The following CFAP221 variants were observed in gnomAD, a reference collection of about 807,000 sequenced individuals.
CFAP221 encodes the protein cilia and flagella associated protein 221.
In CFAP221, 97 loss-of-function variants were observed where a neutral mutation model predicts 113.1. That is an observed-to-expected ratio of 0.86 (90% CI 0.73 to 1.02). The LOEUF is 1.02. CFAP221 is among the 50% of genes least tolerant of loss of function. The pLI, the probability that CFAP221 is intolerant of heterozygous loss-of-function variation, is 0.00. For synonymous variants in CFAP221, 331 were observed against 354.4 expected, an observed-to-expected ratio of 0.93 and a Z score of 0.74; for missense variants, 1,025 against 1,013.4, an observed-to-expected ratio of 1.01 and a Z score of -0.16.
At chr2:119,603,378 TG>T (rs1369229730) in intron 8 of CFAP221, among the ~76,000 whole-genome samples, 1 of 152,112 alleles carries the variant, frequency 6.6e-6, no homozygotes, top group Non-Finnish European at 1.5e-5. Flanking sequence ...GTTCGCTACC[TG>T]GCTAAACACC....
chr2:119,569,637 T>C (rs1268011753), intron 6 of CFAP221, among the ~76,000 whole-genome samples: 1 of 152,190 alleles, frequency 6.6e-6, no homozygotes, highest in Non-Finnish European at 1.5e-5. Context: ...TAATATACCT[T>C]TTGTAGTTGT....
chr2:119,566,283 G>A (rs1255762560), intron 6 of CFAP221, among the ~76,000 whole-genome samples: 1 of 152,222 alleles, frequency 6.6e-6, no homozygotes, highest in African/African-American at 2.4e-5. Flanking sequence ...TACTAAAAGT[G>A]AGTCGGCTTT....
intron 6 of CFAP221, among the ~76,000 whole-genome samples, chr2:119,577,547 G>T (rs1412955264): frequency 6.6e-6 from 1 of 152,182 alleles, no homozygotes; most frequent in Non-Finnish European, 1.5e-5. Context: ...AGTACAGCAG[G>T]TAAGAGCTCA....
rs747010495 is a variant in CFAP221, at chr2:119,611,685, A to G, written c.1254A>G (p.Glu418=). ...GAGGAGATCCTATTTTGGATGAGGA[A>G]TTTCAGCGACTTAAAACAGAAGTTA... is the stretch of plus-strand genomic sequence containing the variant. The part of the protein sequence containing the change: ...LDRGDPILDE[E]FQRLKTEVSH... Residue 418 remains glutamate (E), a synonymous_variant, in exon 13 of 24, where the codon GAA becomes GAG. Transcript: ENST00000413369. 4.3e-6 allele frequency: 7 copies of G among 1,613,904 alleles called. No individual in the cohort carries two copies. In the East Asian group the frequency reaches 1.6e-4, roughly 36 times the overall value.
intron 7 of CFAP221, among the ~76,000 whole-genome samples, chr2:119,587,677 C>T (rs1683315953): frequency 6.6e-6 from 1 of 152,152 alleles, no homozygotes; most frequent in Non-Finnish European, 1.5e-5. Flanking sequence ...GATTTTACAC[C>T]TAAAGTAATC....
intron 8 of CFAP221, 120 bp from the exon 9 acceptor site, chr2:119,604,552 A>C: frequency 1.1e-6 from 1 of 911,418 alleles, no homozygotes; most frequent in East Asian, 3.1e-5. Context: ...GCACACATTT[A>C]TTTTCAGTTT....
At chr2:119,652,896 G>A (rs1288833618) in intron 23 of CFAP221, among the ~76,000 whole-genome samples, 1 of 148,492 alleles carries the variant, frequency 6.7e-6, no homozygotes, top group Non-Finnish European at 1.5e-5. Flanking sequence ...CCATCCAAAG[G>A]TAGTAACATA....
intron 3 of CFAP221, among the ~76,000 whole-genome samples, chr2:119,557,820 G>A (rs947915726): frequency 1.5e-4 from 23 of 152,072 alleles, no homozygotes; most frequent in Admixed American, 7.2e-4. Flanking sequence ...CCAACATGGT[G>A]AAACCCCATC....
At chr2:119,560,560 G>T (rs1021158676) in intron 5 of CFAP221, among the ~76,000 whole-genome samples, 2 of 152,042 alleles carry the variant, frequency 1.3e-5, no homozygotes, top group Admixed American at 6.6e-5. Context: ...CAGAGCTGCC[G>T]TCATTCCTTC....
chr2:119,595,754 A>G (rs886664629), intron 7 of CFAP221, among the ~76,000 whole-genome samples: 1 of 152,134 alleles, frequency 6.6e-6, no homozygotes, highest in Admixed American at 6.5e-5. Context: ...AATGGTGGTG[A>G]GAAAAATAAG....
chr2:119,657,807 G>A (rs959397192), downstream of CFAP221, among the ~76,000 whole-genome samples: 1 of 152,132 alleles, frequency 6.6e-6, no homozygotes, highest in Admixed American at 6.5e-5. Context: ...CCTTCAGAGT[G>A]TGTGTGTGTC....
intron 13 of CFAP221, 29 bp from the exon 14 acceptor site, chr2:119,615,582 T>A (rs1574140411): frequency 1.4e-6 from 2 of 1,481,070 alleles, no homozygotes; most frequent in African/African-American, 1.4e-5. Context: ...AATTTAAATG[T>A]AAGATGTGCC....
Position 119,562,027 on chromosome 2 carries a change from T to C in CFAP221, c.440T>C (p.Leu147Ser), listed in dbSNP as rs1681277949. 1 of 1,533,998 alleles carries C rather than the reference T, an allele frequency of 6.5e-7. No individual in the cohort carries two copies. Among genetic ancestry groups the C allele is most frequent in the Non-Finnish European group, 8.7e-7 (1 of 1,146,012 alleles). ...IRVHCKGDDT[L>S]LVPIHAYPVM... ...GGTTAATTTTAGGGAGATGACACTT[T>C]GCTTGTTCCTATTCATGCCTATCCA... Residue 147 changes from leucine (L) to serine (S), a missense_variant, in exon 6 of 24, where the codon TTG becomes TCG. Leu to Ser is a moderately radical substitution (Grantham distance 145). Coordinates refer to ENST00000413369, the MANE Select transcript of CFAP221 (RefSeq NM_001271049.2).
intron 17 of CFAP221, among the ~76,000 whole-genome samples, chr2:119,630,219 A>G (rs547651671): frequency 2.8e-4 from 43 of 152,360 alleles, no homozygotes; most frequent in African/African-American, 1.0e-3. Flanking sequence ...TAGAAACTTC[A>G]AGAAAAAATA....
intron 6 of CFAP221, among the ~76,000 whole-genome samples, chr2:119,566,217 G>A (rs1681612659): frequency 6.6e-6 from 1 of 152,192 alleles, no homozygotes; most frequent in African/African-American, 2.4e-5. Context: ...GAGTAGAAAA[G>A]AAGAGGGGGT....
intron 6 of CFAP221, chr2:119,573,157 G>A (rs888818889): frequency 3.3e-5 from 5 of 152,598 alleles, no homozygotes; most frequent in Admixed American, 2.6e-4. Flanking sequence ...CCCCCACGTA[G>A]ACAGCCCCCA....
At chr2:119,623,836 C>T (rs1686106353) in intron 14 of CFAP221, among the ~76,000 whole-genome samples, 1 of 152,100 alleles carries the variant, frequency 6.6e-6, no homozygotes, top group South Asian at 2.1e-4. Flanking sequence ...TGAAACTGGA[C>T]CCCTTCCTTA....
At chr2:119,659,022 A>C (rs901387000), downstream of CFAP221, among the ~76,000 whole-genome samples, 6 of 132,178 alleles carry the variant, frequency 4.5e-5, no homozygotes, top group Middle Eastern at 3.6e-3. Flanking sequence ...AAAAAAAAAA[A>C]CGCATTGATA....
intron 14 of CFAP221, among the ~76,000 whole-genome samples, chr2:119,623,848 C>T (rs1382595744): frequency 6.6e-6 from 1 of 152,168 alleles, no homozygotes; most frequent in Admixed American, 6.5e-5. Flanking sequence ...CCTTCCTTAA[C>T]ACTTTATACA....
Sources: allele counts gnomAD v4.1 joint callset (sites outside exome capture counted in the v4.1 genomes callset), GRCh38; gene constraint gnomAD v4.1.1; transcripts MANE v1.5; gene names NCBI Gene and HGNC (gene_info 2026-07-23, HGNC 2026-07-21).